CCDC91: variants seen among roughly 807,000 people sequenced by gnomAD.
CCDC91 encodes coiled-coil domain-containing protein 91.
CCDC91 carries 48 observed loss-of-function variants against 63.2 expected under a neutral mutation model. The ratio of observed to expected loss-of-function variants is 0.76; its 90% CI spans 0.60 to 0.97. The LOEUF is 0.97. Among genes scored for constraint, CCDC91 ranks in the 50% least tolerant of loss-of-function variants. The pLI is 0.00. For synonymous variants in CCDC91, 167 were observed against 165.8 expected (o/e 1.01, Z -0.06); for missense variants, 500 against 494.6 (o/e 1.01, Z -0.10).
At chr12:28,432,710 G>C (rs1018676687) in intron 8 of CCDC91, among the ~76,000 whole-genome samples, 4 of 152,120 alleles carry the variant, frequency 2.6e-5, no homozygotes, top group Admixed American at 1.3e-4. Context: ...GTGGACATGA[G>C]TTTTCAACTT....
chr12:28,432,938 G>A (rs1393085561), intron 8 of CCDC91, among the ~76,000 whole-genome samples: 13 of 152,120 alleles, frequency 8.5e-5, no homozygotes, highest in East Asian at 3.9e-4. Flanking sequence ...ATAGTATCTC[G>A]TTTTAATTCA....
chr12:28,412,730 C>T (rs1333792148), intron 8 of CCDC91: 1 of 453,580 alleles, frequency 2.2e-6, no homozygotes, highest in Non-Finnish European at 4.4e-6. Context: ...TGTCCCCTCC[C>T]ATGTTCCATT....
At chr12:28,421,005 A>AT (rs1158714800) in intron 8 of CCDC91, among the ~76,000 whole-genome samples, 11 of 151,174 alleles carry the variant, frequency 7.3e-5, no homozygotes, top group Admixed American at 5.9e-4. Flanking sequence ...TTTTTTTGCA[A>AT]TTTTTTCTCA....
At chr12:28,331,268 T>A (rs996594374) in intron 6 of CCDC91, among the ~76,000 whole-genome samples, 5 of 152,224 alleles carry the variant, frequency 3.3e-5, no homozygotes, top group East Asian at 1.9e-4. Context: ...CTTAACGCCA[T>A]GCTTGTGGTT....
intron 1 of CCDC91, among the ~76,000 whole-genome samples, chr12:28,241,093 A>G (rs1945303983): frequency 6.6e-6 from 1 of 152,088 alleles, no homozygotes; most frequent in Admixed American, 6.6e-5. Context: ...TCTGGTAGGT[A>G]TGTGGTGGTG....
chr12:28,510,345 A>T lies in CCDC91; in HGVS notation c.1215+26180A>T, dbSNP rs556402426. Among the ~76,000 whole-genome samples the T allele has an allele frequency of 4.6e-5, 7 of 151,792 alleles. No individual in the cohort carries two copies. The East Asian group carries it at 1.4e-3, about 30-fold the overall frequency. ...TCTGTAGTCAATAAGCTGGAAACCCAGGAGAGCTGATAAGTGGTTCCAAAG... is the reference window on the plus strand; with the variant it reads ...TCTGTAGTCAATAAGCTGGAAACCCTGGAGAGCTGATAAGTGGTTCCAAAG... On this transcript the variant is annotated intron_variant, in intron 12 of 12. Coordinates refer to ENST00000536442, the MANE Select transcript of CCDC91 (RefSeq NM_018318.5).
intron 6 of CCDC91, among the ~76,000 whole-genome samples, chr12:28,330,136 T>C (rs1443518967): frequency 1.3e-5 from 2 of 152,168 alleles, no homozygotes; most frequent in African/African-American, 4.8e-5. Flanking sequence ...TACCCAGTAA[T>C]GGGATAGCTG....
chr12:28,204,906 A>G lies in CCDC91; in HGVS notation c.-15+14265A>G, dbSNP rs577332890. Among the ~76,000 whole-genome samples, 9 of 152,348 alleles carry G rather than the reference A, an allele frequency of 5.9e-5. No homozygotes were observed. The South Asian group carries it at 1.4e-3, about 25-fold the overall frequency. On this transcript the variant is annotated intron_variant, in intron 1 of 12. Transcript: ENST00000536442. ...ACGCAATTATAGGAATTTAGTAAAT[A>G]AAACTTTTTAGTATCATTGCTACCA...
Position 28,306,909 on chromosome 12 carries a change from C to G in CCDC91, c.435C>G (p.Leu145=). 5.6e-6 allele frequency: 9 copies of G among 1,610,764 alleles called. No individual in the cohort carries two copies. The highest frequency in any genetic ancestry group is 7.6e-6 in the Non-Finnish European group (9 of 1,177,762). The change falls in exon 5 of 13, where the codon CTC becomes CTG. Residue 145 remains leucine (L), a synonymous_variant. Transcript: ENST00000536442. ...QQKISSLEIK[L]KVSEEEKQRI... Reference sequence around the variant, plus strand: ...AAATTTCAAGTCTGGAGATTAAACTCAAAGTATCTGAAGAAGAAAAACAGA... The same window carrying G: ...AAATTTCAAGTCTGGAGATTAAACTGAAAGTATCTGAAGAAGAAAAACAGA...
At chr12:28,511,915 T>C (rs1279269638) in intron 12 of CCDC91, among the ~76,000 whole-genome samples, 1 of 151,868 alleles carries the variant, frequency 6.6e-6, no homozygotes, top group Non-Finnish European at 1.5e-5. Context: ...AGTTCTAGGA[T>C]ACTCTAGGAC....
intron 7 of CCDC91, among the ~76,000 whole-genome samples, chr12:28,372,273 G>A (rs544747838): frequency 3.2e-4 from 49 of 152,176 alleles, no homozygotes; most frequent in African/African-American, 1.1e-3. Flanking sequence ...CGGTAAATAT[G>A]CTTCCAGATT....
At chr12:28,476,653 A>T (rs1308441782) in intron 11 of CCDC91, among the ~76,000 whole-genome samples, 2 of 152,092 alleles carry the variant, frequency 1.3e-5, no homozygotes, top group African/African-American at 2.4e-5. Context: ...AACACAAAAA[A>T]CCCTTCAAAA....
At chr12:28,295,594 T>G (rs1203284069) in intron 3 of CCDC91, among the ~76,000 whole-genome samples, 1 of 152,126 alleles carries the variant, frequency 6.6e-6, no homozygotes, top group Non-Finnish European at 1.5e-5. Flanking sequence ...TGTAAAGGAT[T>G]GCTCTGTATC....
intron 12 of CCDC91, among the ~76,000 whole-genome samples, chr12:28,484,994 AAC>A (rs959784042): frequency 1.5e-4 from 23 of 151,822 alleles, no homozygotes; most frequent in Admixed American, 3.9e-4. Flanking sequence ...AATGTAACAA[AAC>A]ACACATAAAC....
At chr12:28,336,237 G>C (rs1311589044) in intron 6 of CCDC91, among the ~76,000 whole-genome samples, 2 of 152,026 alleles carry the variant, frequency 1.3e-5, no homozygotes, top group Non-Finnish European at 2.9e-5. Flanking sequence ...TGTCTAGCCT[G>C]GTTAGTTGTG....
At chr12:28,381,354 G>A (rs1357462717) in intron 7 of CCDC91, among the ~76,000 whole-genome samples, 1 of 151,818 alleles carries the variant, frequency 6.6e-6, no homozygotes, top group Admixed American at 6.6e-5. Context: ...AAATTAATAG[G>A]GGATATAATA....
intron 7 of CCDC91, among the ~76,000 whole-genome samples, chr12:28,364,275 A>G (rs1399811330): frequency 6.6e-6 from 1 of 151,902 alleles, no homozygotes; most frequent in Non-Finnish European, 1.5e-5. Flanking sequence ...AATCCCAGCT[A>G]CTTGGGGGAG....
chr12:28,220,487 A>G (rs1331627311), intron 1 of CCDC91, among the ~76,000 whole-genome samples: 1 of 151,990 alleles, frequency 6.6e-6, no homozygotes, highest in African/African-American at 2.4e-5. Context: ...ATATTCAGTT[A>G]TCTTTAAATT....
At chr12:28,383,867 C>T (rs890163430) in intron 7 of CCDC91, among the ~76,000 whole-genome samples, 1 of 152,142 alleles carries the variant, frequency 6.6e-6, no homozygotes, top group Non-Finnish European at 1.5e-5. Context: ...TATTGGTTCA[C>T]TGATCTGAAG....
Sources: gnomAD v4.1 joint callset for allele counts (sites outside exome capture counted in the v4.1 genomes callset) on GRCh38, gnomAD v4.1.1 for gene constraint, MANE v1.5 for transcripts, NCBI Gene and HGNC (gene_info 2026-07-23, HGNC 2026-07-21) for gene names.